DDX4: variants seen among roughly 807,000 people sequenced by gnomAD.
DDX4 encodes the protein probable ATP-dependent RNA helicase DDX4.
In DDX4, 25 loss-of-function variants were observed where a neutral mutation model predicts 100.0. The ratio of observed to expected loss-of-function variants is 0.25; its 90% CI spans 0.18 to 0.35. The LOEUF (loss-of-function observed/expected upper bound fraction) is 0.35. DDX4 is among the 10% of genes least tolerant of loss of function. The pLI, the probability that DDX4 is intolerant of heterozygous loss-of-function variation, is 1.00. For synonymous variants in DDX4, 259 were observed against 275.7 expected (o/e 0.94, Z 0.60); for missense variants, 635 against 882.4 (o/e 0.72, Z 3.55).
rs1759823158 is a variant in DDX4, at chr5:55,754,789, A to T, written c.128-5411A>T. Among the ~76,000 whole-genome samples, 4 of 151,450 alleles carry T rather than the reference A, an allele frequency of 2.6e-5. 1 individual carries two copies. In the East Asian group the frequency reaches 7.8e-4, roughly 30 times the overall value. On this transcript the variant is annotated intron_variant, in intron 3 of 21. Transcript: ENST00000505374. ...GTACCTCTGGTAGAATTCGGCTGTGAATCCATCTGGTCCTGGACTCTTTTT... is the reference window on the plus strand; with the variant it reads ...GTACCTCTGGTAGAATTCGGCTGTGTATCCATCTGGTCCTGGACTCTTTTT...
chr5:55,789,064 T>TA (rs934288968), intron 15 of DDX4, among the ~76,000 whole-genome samples: 16 of 152,066 alleles, frequency 1.1e-4, no homozygotes, highest in African/African-American at 2.7e-4. Context: ...GACTTATATA[T>TA]AAAAAAAACC....
intron 18 of DDX4, among the ~76,000 whole-genome samples, chr5:55,809,296 C>T (rs939994209): frequency 6.6e-6 from 1 of 152,182 alleles, no homozygotes; most frequent in Non-Finnish European, 1.5e-5. Flanking sequence ...TGCTTCAGCT[C>T]ACGCTCAGTG....
chr5:55,815,675 T>C (rs1744356086), intron 21 of DDX4, among the ~76,000 whole-genome samples: 1 of 152,176 alleles, frequency 6.6e-6, no homozygotes, highest in Non-Finnish European at 1.5e-5. Flanking sequence ...TGGAATCTTT[T>C]AAACTTCTGA....
intron 18 of DDX4, among the ~76,000 whole-genome samples, chr5:55,810,013 G>C (rs1561518810): frequency 6.9e-6 from 1 of 145,326 alleles, no homozygotes; most frequent in Non-Finnish European, 1.5e-5. Flanking sequence ...CAAATCATGA[G>C]GGACTCCCGT....
chr5:55,751,697 T>G (rs961063051), intron 3 of DDX4, among the ~76,000 whole-genome samples: 13 of 152,252 alleles, frequency 8.5e-5, no homozygotes, highest in Non-Finnish European at 1.8e-4. Context: ...ATTCTAGATT[T>G]TAGGCTCTTT....
intron 2 of DDX4, among the ~76,000 whole-genome samples, chr5:55,745,399 T>C (rs1759197958): frequency 1.3e-5 from 2 of 152,148 alleles, no homozygotes; most frequent in Non-Finnish European, 2.9e-5. Context: ...TTGTCAGATT[T>C]TATAATGATA....
At chr5:55,754,730 A>T (rs1759819456) in intron 3 of DDX4, among the ~76,000 whole-genome samples, 1 of 150,552 alleles carries the variant, frequency 6.6e-6, no homozygotes, top group African/African-American at 2.4e-5. Context: ...ATTGATTGGA[A>T]TAGTTTCAGA....
intron 18 of DDX4, among the ~76,000 whole-genome samples, chr5:55,809,715 A>G (rs1580610755): frequency 6.6e-6 from 1 of 152,228 alleles, no homozygotes. Flanking sequence ...CTGTAGATGT[A>G]GAATAGGGTC....
intron 18 of DDX4, among the ~76,000 whole-genome samples, chr5:55,802,937 T>C (rs1246297867): frequency 7.1e-6 from 1 of 140,164 alleles, no homozygotes; most frequent in East Asian, 2.1e-4. Flanking sequence ...ATTTTCTTTC[T>C]TTTTTTTTAC....
intron 14 of DDX4, among the ~76,000 whole-genome samples, 184 bp from the exon 15 acceptor site, chr5:55,787,659 TATA>T (rs1312844051): frequency 1.3e-5 from 2 of 152,284 alleles, no homozygotes; most frequent in Admixed American, 1.3e-4. Context: ...TTTTATATTG[TATA>T]ATAAGAGCAT....
chr5:55,762,643 G>T (rs773927107), intron 4 of DDX4, among the ~76,000 whole-genome samples: 1 of 152,144 alleles, frequency 6.6e-6, no homozygotes, highest in African/African-American at 2.4e-5. Context: ...ACAAAGCTAA[G>T]AAGGTTAGTA....
Position 55,787,941 on chromosome 5 carries a change from A to G in DDX4, c.1113A>G (p.Val371=). The change falls in exon 15 of 22, where the codon GTA becomes GTG. Residue 371 remains valine (V), a synonymous_variant. Coordinates refer to ENST00000505374, the MANE Select transcript of DDX4 (RefSeq NM_024415.3). ...TGCAGGAACCAGAGTGTATTATTGTAGCACCAACTCGAGAATTGGTCAACC... is the reference window on the plus strand; with the variant it reads ...TGCAGGAACCAGAGTGTATTATTGTGGCACCAACTCGAGAATTGGTCAACC... ...KELQEPECII[V]APTRELVNQI... 1 of 1,613,932 alleles carries G rather than the reference A, an allele frequency of 6.2e-7. No homozygotes were observed. The highest frequency in any genetic ancestry group is 1.7e-4 in the Middle Eastern group (1 of 6,058).
At chr5:55,756,423 A>G (rs895131583) in intron 3 of DDX4, among the ~76,000 whole-genome samples, 1 of 152,158 alleles carries the variant, frequency 6.6e-6, no homozygotes, top group African/African-American at 2.4e-5. Flanking sequence ...GGGGTAATGA[A>G]AGGGATTAGA....
intron 17 of DDX4, among the ~76,000 whole-genome samples, chr5:55,794,963 CT>C (rs537421129): frequency 0.032 from 4,551 of 140,768 alleles, 87 homozygotes; most frequent in African/African-American, 0.059. Context: ...AGCCCCAGAC[CT>C]TTTTTTTTTT....
intron 21 of DDX4, among the ~76,000 whole-genome samples, chr5:55,816,195 T>C (rs1359489846): frequency 2.0e-5 from 3 of 152,196 alleles, no homozygotes; most frequent in African/African-American, 7.2e-5. Flanking sequence ...TCATTGAGTG[T>C]AGTGCATTAA....
chr5:55,800,099 A>G (rs1417495579), intron 18 of DDX4, among the ~76,000 whole-genome samples: 3 of 152,190 alleles, frequency 2.0e-5, no homozygotes, highest in South Asian at 4.1e-4. Flanking sequence ...AATAATAGCT[A>G]TGGGCCACAT....
chr5:55,748,364 G>A (rs973705212), intron 3 of DDX4, among the ~76,000 whole-genome samples: 2 of 152,140 alleles, frequency 1.3e-5, no homozygotes, highest in African/African-American at 2.4e-5. Flanking sequence ...GAGAAACCTG[G>A]TTTTTTGAGG....
chr5:55,766,835 T>C, intron 6 of DDX4: 1 of 1,411,076 alleles, frequency 7.1e-7, no homozygotes, highest in East Asian at 2.6e-5. Flanking sequence ...AATGTGACTT[T>C]TTTTGGAATC....
At chr5:55,750,838 A>G (rs1244269273) in intron 3 of DDX4, among the ~76,000 whole-genome samples, 1 of 151,972 alleles carries the variant, frequency 6.6e-6, no homozygotes, top group Non-Finnish European at 1.5e-5. Flanking sequence ...CTAATTGATA[A>G]TTGATTTCCT....
Sources: gnomAD v4.1 joint callset for allele counts (sites outside exome capture counted in the v4.1 genomes callset) on GRCh38, gnomAD v4.1.1 for gene constraint, MANE v1.5 for transcripts, NCBI Gene and HGNC (gene_info 2026-07-23, HGNC 2026-07-21) for gene names.